Variants in TNR observed in about 807,000 individuals in gnomAD.
The protein encoded by TNR is tenascin-R.
Under a neutral mutation model 150.4 loss-of-function variants are expected in TNR, and 45 were observed. The observed-to-expected ratio is 0.30, with a 90% CI of 0.24 to 0.38. The LOEUF is 0.38. TNR is among the 10% of genes least tolerant of loss of function. TNR has a pLI of 1.00. For synonymous variants in TNR, 687 were observed against 678.4 expected, an observed-to-expected ratio of 1.01 and a Z score of -0.20; for missense variants, 1,544 against 1,759.1, an observed-to-expected ratio of 0.88 and a Z score of 2.19.
At chr1:175,742,444 C>A (rs1667956099) in intron 1 of TNR, among the ~76,000 whole-genome samples, 2 of 152,164 alleles carry the variant, frequency 1.3e-5, no homozygotes, top group Admixed American at 1.3e-4. Flanking sequence ...CCACCCATAG[C>A]CAAAGATGGC....
At chr1:175,549,342 G>A (rs1019925852) in intron 1 of TNR, among the ~76,000 whole-genome samples, 7 of 152,204 alleles carry the variant, frequency 4.6e-5, no homozygotes, top group African/African-American at 1.7e-4. Flanking sequence ...AATAACAATA[G>A]CAATGCATTG....
intron 1 of TNR, among the ~76,000 whole-genome samples, chr1:175,649,916 A>G (rs1353791964): frequency 2.0e-5 from 3 of 152,152 alleles, no homozygotes; most frequent in African/African-American, 7.2e-5. Flanking sequence ...TGCCTGGAAG[A>G]TGTTTCCCTC....
At chr1:175,579,193 C>CTTCCTTCCTTCCTTCCTTCCTTCCT (rs1553242591) in intron 1 of TNR, among the ~76,000 whole-genome samples, 7 of 151,274 alleles carry the variant, frequency 4.6e-5, no homozygotes, top group African/African-American at 1.7e-4. Context: ...TCCTTCCTTC[C>CTTCCTTCCTTCCTTCCTTCCTTCCT]TTCCTTCCTT....
At chr1:175,324,641 C>T (rs1649262446) in intron 21 of TNR, 122 bp from the exon 22 acceptor site, 6 of 1,174,502 alleles carry the variant, frequency 5.1e-6, no homozygotes, top group Non-Finnish European at 7.3e-6. Context: ...CATTTCCACC[C>T]AGTTTCTCAG....
At position 175,599,677 on chromosome 1, in the gene TNR, G is replaced by A. The variant is rs186893421; in HGVS notation, c.-164-71308C>T. On this transcript the variant is annotated intron_variant, in intron 1 of 22. Coordinates refer to ENST00000367674, the MANE Select transcript of TNR (RefSeq NM_003285.3). This position sits in a 1 kb window ranked among gnomAD's most constrained non-coding sequence, Gnocchi z 4.7. ...AGAGGCCGGCGGCTCCTTGCGGTGG[G>A]GAGAGGAGGACAGAGGGGCCAGGTG... 1.3e-3 allele frequency among the ~76,000 whole-genome samples: 205 copies of A among 152,346 alleles called. 1 individual carries two copies. The highest frequency in any genetic ancestry group is 4.8e-3 in the African/African-American group (198 of 41,580).
intron 1 of TNR, among the ~76,000 whole-genome samples, chr1:175,667,682 T>A (rs1449430463): frequency 1.3e-5 from 2 of 152,190 alleles, no homozygotes; most frequent in African/African-American, 4.8e-5. Context: ...ATGTGTGGGA[T>A]GAAACAGCAC....
chr1:175,445,104 AC>A (rs750387635), intron 2 of TNR, among the ~76,000 whole-genome samples: 13 of 152,144 alleles, frequency 8.5e-5, no homozygotes, highest in Non-Finnish European at 1.6e-4. Context: ...CCCCATCTCT[AC>A]TAAAAACACA....
intron 1 of TNR, among the ~76,000 whole-genome samples, chr1:175,736,478 G>A (rs1194730011): frequency 1.3e-5 from 2 of 151,864 alleles, no homozygotes; most frequent in South Asian, 2.1e-4. Context: ...CCGAGATTGC[G>A]CCACTGCACT....
chr1:175,532,015 G>A (rs1490215953), intron 1 of TNR, among the ~76,000 whole-genome samples: 2 of 152,206 alleles, frequency 1.3e-5, no homozygotes, highest in Non-Finnish European at 2.9e-5. Context: ...GTGAGTCATG[G>A]ACTTTAGAAG....
chr1:175,461,139 G>C (rs1300957208), intron 2 of TNR, among the ~76,000 whole-genome samples: 3 of 152,144 alleles, frequency 2.0e-5, no homozygotes, highest in Non-Finnish European at 4.4e-5. Context: ...CAGATGGATG[G>C]GTGAAACAAC....
chr1:175,572,127 T>C (rs1441821683), intron 1 of TNR, among the ~76,000 whole-genome samples: 1 of 152,248 alleles, frequency 6.6e-6, no homozygotes, highest in East Asian at 1.9e-4. Context: ...GGGCCGCTAC[T>C]ACTGACAGCA....
At chr1:175,492,833 G>A (rs1238897795) in intron 2 of TNR, among the ~76,000 whole-genome samples, 2 of 152,220 alleles carry the variant, frequency 1.3e-5, no homozygotes, top group East Asian at 3.9e-4. Flanking sequence ...CTATTTTTAT[G>A]TATTTTTGAA....
intron 2 of TNR, among the ~76,000 whole-genome samples, chr1:175,417,248 G>A (rs904037059): frequency 9.2e-5 from 14 of 152,104 alleles, no homozygotes; most frequent in Admixed American, 2.0e-4. Flanking sequence ...TGTGGGAGAC[G>A]TGACTGGAGA....
chr1:175,422,817 A>G (rs774303187), intron 2 of TNR, among the ~76,000 whole-genome samples: 2 of 152,110 alleles, frequency 1.3e-5, no homozygotes, highest in Non-Finnish European at 2.9e-5. Flanking sequence ...CACAGGCCCT[A>G]TTTGTCTCTC....
At chr1:175,514,070 C>T (rs577332095) in intron 2 of TNR, among the ~76,000 whole-genome samples, 1 of 152,256 alleles carries the variant, frequency 6.6e-6, no homozygotes, top group East Asian at 1.9e-4. Flanking sequence ...ACATCCATAC[C>T]TTAGTCTCTG....
intron 1 of TNR, among the ~76,000 whole-genome samples, chr1:175,687,193 C>G (rs1022824242): frequency 6.6e-6 from 1 of 152,120 alleles, no homozygotes; most frequent in Admixed American, 6.5e-5. Context: ...TCCACTGGTG[C>G]CTGTCCTGCC....
chr1:175,386,113 G>A lies in TNR; in HGVS notation c.1696C>T (p.Pro566Ser), dbSNP rs928390775. The change falls in exon 8 of 23, where the codon CCT (proline) becomes TCT (serine). Residue 566 changes from proline to serine, a missense_variant. Pro to Ser is a moderately conservative substitution (Grantham distance 74). Around this residue, in one of 2 missense-constraint regions of TNR, gnomAD observed 1,254 missense variants for 1,329.4 expected, o/e 0.94. Transcript: ENST00000367674. ...ACTGACACCTCGTATCGGGAGCCAG[G>A]CCGCAGGGCCTGCACTGAGTATTGG... ...LSQYSVQALR[P>S]GSRYEVSVSA... 3 of 1,612,776 alleles carry A rather than the reference G, an allele frequency of 1.9e-6. No homozygotes were observed. In the African/African-American group the frequency reaches 4.0e-5, roughly 22 times the overall value.
chr1:175,515,964 T>C (rs1425846748), intron 2 of TNR, among the ~76,000 whole-genome samples: 1 of 152,224 alleles, frequency 6.6e-6, no homozygotes, highest in Non-Finnish European at 1.5e-5. Context: ...TGTTGGTGGC[T>C]GCAATATGTT....
intron 1 of TNR, among the ~76,000 whole-genome samples, chr1:175,590,219 C>T (rs1265669043): frequency 6.6e-6 from 1 of 152,052 alleles, no homozygotes; most frequent in African/African-American, 2.4e-5. Context: ...GATATATTTG[C>T]TTACCTGTAG....
Sources: gnomAD v4.1 joint callset for allele counts (sites outside exome capture counted in the v4.1 genomes callset) on GRCh38, gnomAD v4.1.1 for gene constraint, gnomAD v4.1.1 regional missense constraint, Gnocchi (gnomAD v3.1) non-coding constraint, MANE v1.5 for transcripts, NCBI Gene and HGNC (gene_info 2026-07-23, HGNC 2026-07-21) for gene names.